The following APOBEC3F variants were observed in gnomAD, a reference collection of about 807,000 sequenced individuals.
The protein encoded by APOBEC3F is apolipoprotein B mRNA editing enzyme catalytic subunit 3F.
In APOBEC3F, 34 loss-of-function variants were observed where a neutral mutation model predicts 45.8. The ratio of observed to expected loss-of-function variants is 0.74; its 90% CI spans 0.57 to 0.99. The LOEUF is 0.99. APOBEC3F is among the 50% of genes least tolerant of loss of function. The pLI is 0.00. For missense variants in APOBEC3F, 459 were observed against 474.1 expected, an observed-to-expected ratio of 0.97 and a Z score of 0.30; for synonymous variants, 192 against 174.4, an observed-to-expected ratio of 1.10 and a Z score of -0.80.
At chr22:39,045,564 C>A (rs772488612) in intron 4 of APOBEC3F, 22 bp downstream of exon 4, 1 of 1,613,880 alleles carries the variant, frequency 6.2e-7, no homozygotes, top group African/African-American at 1.3e-5. Flanking sequence ...CCTCTGGCCT[C>A]ATCGTCTGTC....
chr22:39,043,233 C>T, intron 2 of APOBEC3F, 143 bp downstream of exon 2: 2 of 1,224,834 alleles, frequency 1.6e-6, no homozygotes, highest in East Asian at 5.1e-5. Context: ...TGGCCCTGAC[C>T]TTCCTGCTGG....
rs149941906 is a variant in APOBEC3F, at chr22:39,052,263, C to T, written c.913C>T (p.Arg305Cys). 297 of 1,614,228 alleles carry T rather than the reference C, an allele frequency of 1.8e-4. 3 individuals are homozygous for T. In the South Asian group the frequency reaches 2.3e-3, roughly 13 times the overall value. The stretch of plus-strand genomic sequence containing the variant: ...CGTGAATCTCACCATCTTCACCGCC[C>T]GCCTCTACTACTTCTGGGATACAGA... Reference protein sequence around the residue: ...SNVNLTIFTARLYYFWDTDYQ... With the variant: ...SNVNLTIFTACLYYFWDTDYQ... Residue 305 changes from arginine (R) to cysteine (C), a missense_variant, in exon 6 of 7, where the codon CGC becomes TGC. By Grantham distance (180) the Arg-to-Cys change is radical. Transcript: ENST00000308521.
Position 39,052,993 on chromosome 22 carries a change from T to A in APOBEC3F, c.*298T>A, listed in dbSNP as rs1927572513. 1 of 312,396 alleles carries A rather than the reference T, an allele frequency of 3.2e-6. No homozygotes were observed. The highest frequency in any genetic ancestry group is 5.1e-6 in the Non-Finnish European group (1 of 195,032). 19.4% of individuals were successfully genotyped at this position (312,396 alleles called of 1,614,324 possible). ...TCTCCCCAGCATAACCTAATATTTTTTTTTTTTTTTTGAGACGGAATTTCG... is the reference window on the plus strand; with the variant it reads ...TCTCCCCAGCATAACCTAATATTTTATTTTTTTTTTTGAGACGGAATTTCG... On this transcript the variant is annotated 3_prime_UTR_variant, in exon 7 of 7. Coordinates refer to ENST00000308521, the MANE Select transcript of APOBEC3F (RefSeq NM_145298.6).
At chr22:39,051,491 C>T (rs1372770795) in intron 5 of APOBEC3F, among the ~76,000 whole-genome samples, 5 of 147,268 alleles carry the variant, frequency 3.4e-5, no homozygotes, top group Admixed American at 6.8e-5. Flanking sequence ...GAGCGGAGAT[C>T]GCGCCACTGC....
chr22:39,047,269 G>C (rs995268746), intron 4 of APOBEC3F, among the ~76,000 whole-genome samples: 1 of 152,098 alleles, frequency 6.6e-6, no homozygotes, highest in East Asian at 1.9e-4. Context: ...GCTACCGGGT[G>C]GGGGGCGTCC....
In APOBEC3F at chr22:39,049,449, A is replaced by C; in HGVS notation, c.591A>C (p.Pro197=). 1 of 1,614,110 alleles carries C rather than the reference A, an allele frequency of 6.2e-7. No individual in the cohort carries two copies. The highest frequency in any genetic ancestry group is 8.5e-7 in the Non-Finnish European group (1 of 1,180,016). ...GAAACCCGATGGAGGCAATGTATCC[A>C]CACATATTCTACTTCCACTTTAAAA... ...ILRNPMEAMY[P]HIFYFHFKNL... The change falls in exon 5 of 7, where the codon CCA becomes CCC. Residue 197 remains proline, a synonymous_variant. Transcript: ENST00000308521.
intron 6 of APOBEC3F, 92 bp downstream of exon 6, chr22:39,052,445 C>A (rs1448772426): frequency 3.6e-5 from 57 of 1,578,628 alleles, no homozygotes; most frequent in Non-Finnish European, 4.8e-5. Flanking sequence ...GGCAGTGTCC[C>A]GGGAAGCCTG....
intron 1 of APOBEC3F, among the ~76,000 whole-genome samples, chr22:39,041,541 A>G (rs1926893457): frequency 6.6e-6 from 1 of 152,084 alleles, no homozygotes. Context: ...CACTATCAGC[A>G]TTCACTGTTT....
intron 4 of APOBEC3F, among the ~76,000 whole-genome samples, chr22:39,046,698 A>G (rs1927242243): frequency 6.6e-6 from 1 of 151,656 alleles, no homozygotes; most frequent in Non-Finnish European, 1.5e-5. Flanking sequence ...GCTCACTGCA[A>G]TCTCTACCTC....
intron 4 of APOBEC3F, among the ~76,000 whole-genome samples, chr22:39,047,323 G>A (rs1392489162): frequency 1.3e-5 from 2 of 152,148 alleles, no homozygotes; most frequent in Non-Finnish European, 2.9e-5. Flanking sequence ...CCCTCTGGAG[G>A]TCCTCCCATC....
In APOBEC3F at chr22:39,052,952, A is replaced by C; in HGVS notation, c.*257A>C. On this transcript the variant is annotated 3_prime_UTR_variant, in exon 7 of 7. Coordinates refer to ENST00000308521, the MANE Select transcript of APOBEC3F (RefSeq NM_145298.6). ...CTGTTCCCTGAGCCTGCATGCCCCT[A>C]ACCTGCCTTTTCCCATCTCCCCAGC... 1.5e-6 allele frequency: 1 copy of C among 679,388 alleles called. No individual in the cohort carries two copies. Among genetic ancestry groups the C allele is most frequent in the Non-Finnish European group, 2.1e-6 (1 of 486,402 alleles). The allele number at this position is 679,388 out of a possible 1,614,324, so 42.1% of individuals were successfully genotyped here. A position where few individuals can be genotyped will look rare whatever the true frequency, so the allele number is the denominator to read the frequency against.
intron 4 of APOBEC3F, 113 bp from the exon 5 acceptor site, chr22:39,049,312 C>G: frequency 7.7e-7 from 1 of 1,302,536 alleles, no homozygotes; most frequent in Non-Finnish European, 1.1e-6. Flanking sequence ...GTCTTTCTGC[C>G]TGGGAAAGCA....
chr22:39,051,507 A>C (rs1927483784), intron 5 of APOBEC3F, among the ~76,000 whole-genome samples: 1 of 150,860 alleles, frequency 6.6e-6, no homozygotes, highest in Admixed American at 6.6e-5. Context: ...ACTGCACTAC[A>C]GCATGGGTGA....
intron 2 of APOBEC3F, chr22:39,044,524 G>C (rs2146342334): frequency 1.5e-6 from 1 of 674,426 alleles, no homozygotes; most frequent in East Asian, 3.5e-5. Flanking sequence ...CAGAAGTTCA[G>C]GGGATGCTCC....
chr22:39,045,052 C>T lies in APOBEC3F; in HGVS notation c.283C>T (p.Pro95Ser), dbSNP rs778133926. 1.2e-6 allele frequency: 2 copies of T among 1,613,966 alleles called. No homozygotes were observed. The highest frequency in any genetic ancestry group is 8.5e-7 in the Non-Finnish European group (1 of 1,179,970). The change falls in exon 3 of 7, where the codon CCC (proline) becomes TCC (serine). Residue 95 changes from proline (P) to serine (S), a missense_variant. Coordinates refer to ENST00000308521, the MANE Select transcript of APOBEC3F (RefSeq NM_145298.6). Reference protein sequence around the residue: ...FQITWFVSWTPCPDCVAKLAE... With the variant: ...FQITWFVSWTSCPDCVAKLAE... ...GATCACCTGGTTTGTATCCTGGACCCCCTGCCCGGACTGTGTGGCGAAGCT... is the reference window on the plus strand; with the variant it reads ...GATCACCTGGTTTGTATCCTGGACCTCCTGCCCGGACTGTGTGGCGAAGCT...
chr22:39,049,513 T>A lies in APOBEC3F; in HGVS notation c.655T>A (p.Cys219Ser). ...KAYGRNESWLCFTMEVVKHHS... is the reference protein window; with the variant it reads ...KAYGRNESWLSFTMEVVKHHS... The stretch of plus-strand genomic sequence containing the variant: ...CTATGGTCGGAACGAAAGCTGGCTG[T>A]GCTTCACCATGGAAGTTGTAAAGCA... The change falls in exon 5 of 7, where the codon TGC (cysteine) becomes AGC (serine). Residue 219 changes from cysteine (C) to serine (S), a missense_variant. Physicochemically the swap from Cys to Ser is moderately radical, Grantham distance 112. Transcript: ENST00000308521. The A allele has an allele frequency of 6.2e-7, 1 of 1,614,082 alleles. No homozygotes were observed.
rs1927609088 is a variant in APOBEC3F at position 39,053,875 on chromosome 22, C to T, written c.*1180C>T. 1 of 152,204 alleles carries T rather than the reference C, an allele frequency of 6.6e-6. No individual in the cohort carries two copies. The highest frequency in any genetic ancestry group is 1.5e-5 in the Non-Finnish European group (1 of 68,044). 9.4% of individuals were successfully genotyped at this position (152,204 alleles called of 1,614,324 possible). On this transcript the variant is annotated 3_prime_UTR_variant, in exon 7 of 7. Transcript: ENST00000308521. ...CATTGTACCCTGAAACCAGCTTTAT[C>T]CATAGCTTCTGCAATAAATGGCTGT...
chr22:39,051,795 T>C (rs1043287955), intron 5 of APOBEC3F, among the ~76,000 whole-genome samples: 15 of 150,124 alleles, frequency 1.0e-4, no homozygotes, highest in African/African-American at 3.4e-4. Flanking sequence ...CTACAAAAAT[T>C]ACAAAAAAAT....
intron 2 of APOBEC3F, among the ~76,000 whole-genome samples, chr22:39,043,363 C>G (rs1486220585): frequency 6.7e-6 from 1 of 149,674 alleles, no homozygotes; most frequent in African/African-American, 2.5e-5. Context: ...TGCAATGACG[C>G]GATCTCGGCT....
Sources: allele counts gnomAD v4.1 joint callset (sites outside exome capture counted in the v4.1 genomes callset), GRCh38; gene constraint gnomAD v4.1.1; transcripts MANE v1.5; gene names NCBI Gene and HGNC (gene_info 2026-07-23, HGNC 2026-07-21).